CHRM3: variants seen among roughly 807,000 people sequenced by gnomAD.
The protein encoded by CHRM3 is cholinergic receptor muscarinic 3.
A neutral mutation model predicts 41.8 loss-of-function variants in CHRM3; 11 were observed. The observed-to-expected ratio is 0.26, with a 90% CI of 0.17 to 0.44. The LOEUF (loss-of-function observed/expected upper bound fraction) is 0.44. Among genes scored for constraint, CHRM3 ranks in the 20% least tolerant of loss-of-function variants. The pLI is 1.00. For synonymous variants in CHRM3, 297 were observed against 301.4 expected, an observed-to-expected ratio of 0.99 and a Z score of 0.15; for missense variants, 571 against 745.4, an observed-to-expected ratio of 0.77 and a Z score of 2.72.
intron 4 of CHRM3, among the ~76,000 whole-genome samples, chr1:239,674,111 A>G (rs747794622): frequency 6.6e-6 from 1 of 152,188 alleles, no homozygotes; most frequent in Non-Finnish European, 1.5e-5. Context: ...TTTCAGATAA[A>G]GAACACTCAA....
chr1:239,897,136 C>A (rs889959441), intron 6 of CHRM3, among the ~76,000 whole-genome samples: 1 of 152,176 alleles, frequency 6.6e-6, no homozygotes. Flanking sequence ...CATGCTATGG[C>A]AGGTTGTTAG....
At chr1:239,886,940 A>G (rs976651230) in intron 6 of CHRM3, among the ~76,000 whole-genome samples, 3 of 152,322 alleles carry the variant, frequency 2.0e-5, no homozygotes, top group African/African-American at 7.2e-5. Flanking sequence ...TCATTCTTAC[A>G]AAAATTAATG....
chr1:239,638,338 A>G (rs1295696842), intron 4 of CHRM3, among the ~76,000 whole-genome samples: 4 of 151,998 alleles, frequency 2.6e-5, no homozygotes, highest in African/African-American at 4.8e-5. Flanking sequence ...GAATCGCCAC[A>G]CTGACTTCCA....
At chr1:239,667,842 C>T (rs1673963897) in intron 4 of CHRM3, among the ~76,000 whole-genome samples, 1 of 152,072 alleles carries the variant, frequency 6.6e-6, no homozygotes, top group South Asian at 2.1e-4. Flanking sequence ...TATTGTCTTC[C>T]CATACCTGAT....
At chr1:239,692,921 T>G (rs1043471929) in intron 5 of CHRM3, among the ~76,000 whole-genome samples, 1 of 152,216 alleles carries the variant, frequency 6.6e-6, no homozygotes, top group African/African-American at 2.4e-5. Flanking sequence ...TGTTTTGGCT[T>G]CAGTACATTC....
chr1:239,779,494 G>A (rs181371153), intron 5 of CHRM3, among the ~76,000 whole-genome samples: 1 of 152,368 alleles, frequency 6.6e-6, no homozygotes, highest in East Asian at 1.9e-4. Flanking sequence ...AACACTTCGG[G>A]AGGCCGAGGC....
At chr1:239,856,951 A>G (rs906442386) in intron 6 of CHRM3, among the ~76,000 whole-genome samples, 2 of 152,218 alleles carry the variant, frequency 1.3e-5, no homozygotes, top group African/African-American at 4.8e-5. Context: ...CAAATGAACA[A>G]TATTCTCTGT....
chr1:239,794,364 T>C (rs1363703071), intron 5 of CHRM3, among the ~76,000 whole-genome samples: 1 of 150,486 alleles, frequency 6.6e-6, no homozygotes, highest in Non-Finnish European at 1.5e-5. Flanking sequence ...GCTTTGCCTC[T>C]CCCACTTATT....
intron 1 of CHRM3, among the ~76,000 whole-genome samples, chr1:239,486,035 C>T (rs1270987501): frequency 6.6e-6 from 1 of 152,170 alleles, no homozygotes; most frequent in Non-Finnish European, 1.5e-5. Flanking sequence ...GCTGTTTTTA[C>T]TCATTGCAGG....
chr1:239,698,529 C>T (rs1660398045), intron 5 of CHRM3, among the ~76,000 whole-genome samples: 1 of 152,190 alleles, frequency 6.6e-6, no homozygotes, highest in Non-Finnish European at 1.5e-5. Context: ...TTCTCATTTT[C>T]TGGAAGTAAA....
intron 5 of CHRM3, among the ~76,000 whole-genome samples, chr1:239,702,997 G>C (rs565632842): frequency 6.6e-6 from 1 of 152,204 alleles, no homozygotes; most frequent in East Asian, 1.9e-4. Flanking sequence ...ACTCTCCCAT[G>C]TCAGATATTG....
In CHRM3 at chr1:239,386,972, A is replaced by C. The variant is rs1418692284; in HGVS notation, c.-776A>C. 1 of 151,920 alleles carries C rather than the reference A, an allele frequency of 6.6e-6. No individual in the cohort carries two copies. Among genetic ancestry groups the C allele is most frequent in the South Asian group, 2.1e-4 (1 of 4,830 alleles). The allele number at this position is 151,920 out of a possible 1,614,324, so 9.4% of individuals were successfully genotyped here. A position where few individuals can be genotyped will look rare whatever the true frequency, so the allele number is the denominator to read the frequency against. ...CGGGCGGAGCGCTCTCAGACCCCGGAGCGCACACCGCGGGGCCATCGGTGC... is the reference window on the plus strand; with the variant it reads ...CGGGCGGAGCGCTCTCAGACCCCGGCGCGCACACCGCGGGGCCATCGGTGC... On this transcript the variant is annotated 5_prime_UTR_variant, in exon 1 of 7. Transcript: ENST00000676153.
chr1:239,564,040 T>C (rs1380289987), intron 3 of CHRM3, among the ~76,000 whole-genome samples: 1 of 152,200 alleles, frequency 6.6e-6, no homozygotes, highest in Non-Finnish European at 1.5e-5. Flanking sequence ...GTTTCCGAGA[T>C]TCTTTAATGA....
intron 6 of CHRM3, among the ~76,000 whole-genome samples, chr1:239,830,214 A>G (rs978003949): frequency 4.6e-5 from 7 of 152,228 alleles, no homozygotes; most frequent in African/African-American, 1.4e-4. Flanking sequence ...AATAAAGATT[A>G]AAATATGTAC....
At chr1:239,464,413 T>A (rs1227423885) in intron 1 of CHRM3, among the ~76,000 whole-genome samples, 1 of 152,176 alleles carries the variant, frequency 6.6e-6, no homozygotes, top group East Asian at 1.9e-4. Flanking sequence ...TTCTACCTCC[T>A]ATGGTGAACC....
chr1:239,408,971 C>T (rs984242594), intron 1 of CHRM3, among the ~76,000 whole-genome samples: 2 of 152,086 alleles, frequency 1.3e-5, no homozygotes, highest in Admixed American at 1.3e-4. Flanking sequence ...TTACATTACT[C>T]GGCTGGTCTC....
chr1:239,428,299 G>A (rs1335057692), intron 1 of CHRM3, among the ~76,000 whole-genome samples: 1 of 152,230 alleles, frequency 6.6e-6, no homozygotes, highest in African/African-American at 2.4e-5. Context: ...TTCAGATACA[G>A]TGGTGGATTA....
chr1:239,633,352 G>C (rs1206498688), intron 4 of CHRM3, among the ~76,000 whole-genome samples: 2 of 152,028 alleles, frequency 1.3e-5, no homozygotes, highest in African/African-American at 4.8e-5. Context: ...GATCTCAAGA[G>C]AACTCCCTCA....
At position 239,568,318 on chromosome 1, in the gene CHRM3, C is replaced by A. The variant is rs116647365; in HGVS notation, c.-313+22569C>A. ...AATAATTGAATCATGGGAGTGGTTT[C>A]CCCCATACTATTCTTGTCTTAGTGA... On this transcript the variant is annotated intron_variant, in intron 3 of 6. Coordinates refer to ENST00000676153, the MANE Select transcript of CHRM3 (RefSeq NM_001375978.1). Among the ~76,000 whole-genome samples, 359 of 152,112 alleles carry A rather than the reference C, an allele frequency of 2.4e-3. 1 individual carries two copies. Among genetic ancestry groups the A allele is most frequent in the African/African-American group, 8.2e-3 (340 of 41,516 alleles).
Sources: gnomAD v4.1 joint callset for allele counts (sites outside exome capture counted in the v4.1 genomes callset) on GRCh38, gnomAD v4.1.1 for gene constraint, MANE v1.5 for transcripts, NCBI Gene and HGNC (gene_info 2026-07-23, HGNC 2026-07-21) for gene names.